The following CNTN4 variants were observed in gnomAD, a reference collection of about 807,000 sequenced individuals.
CNTN4 encodes contactin 4.
CNTN4 carries 77 observed loss-of-function variants against 122.5 expected under a neutral mutation model. The observed-to-expected ratio is 0.63, with a 90% confidence interval of 0.52 to 0.76. CNTN4 has a LOEUF of 0.76. Ranked by LOEUF, CNTN4 falls within the 30% of genes least tolerant of loss-of-function variation. The pLI is 0.00. For synonymous variants in CNTN4, 512 were observed against 447.0 expected, an observed-to-expected ratio of 1.15 and a Z score of -1.83; for missense variants, 1,256 against 1,259.1, an observed-to-expected ratio of 1.00 and a Z score of 0.04.
At chr3:2,490,837 G>C (rs1208692205) in intron 3 of CNTN4, among the ~76,000 whole-genome samples, 1 of 152,086 alleles carries the variant, frequency 6.6e-6, no homozygotes, top group East Asian at 1.9e-4. Context: ...TGGATGAAAT[G>C]AGAAACTTCA....
chr3:2,104,292 G>C (rs1402240653), intron 2 of CNTN4, among the ~76,000 whole-genome samples: 1 of 151,952 alleles, frequency 6.6e-6, no homozygotes, highest in Non-Finnish European at 1.5e-5. Flanking sequence ...AATGGGGTTG[G>C]AGGGCTGGAG....
intron 6 of CNTN4, among the ~76,000 whole-genome samples, chr3:2,764,850 A>G (rs1362558828): frequency 6.6e-6 from 1 of 152,192 alleles, no homozygotes; most frequent in Non-Finnish European, 1.5e-5. Flanking sequence ...TGTACTCTTG[A>G]TGTTCCCATT....
At chr3:2,494,985 C>G (rs1339663331) in intron 3 of CNTN4, among the ~76,000 whole-genome samples, 1 of 152,146 alleles carries the variant, frequency 6.6e-6, no homozygotes, top group Non-Finnish European at 1.5e-5. Flanking sequence ...CTTGTATATA[C>G]ATTTTTTTTC....
chr3:2,873,793 C>A (rs1284287117), intron 8 of CNTN4, among the ~76,000 whole-genome samples: 2 of 152,164 alleles, frequency 1.3e-5, no homozygotes, highest in Non-Finnish European at 2.9e-5. Flanking sequence ...ATCTACAACC[C>A]TTTATTGAAG....
At chr3:2,291,637 G>C (rs548071949) in intron 2 of CNTN4, among the ~76,000 whole-genome samples, 54 of 146,302 alleles carry the variant, frequency 3.7e-4, no homozygotes, top group African/African-American at 1.3e-3. Flanking sequence ...AAGTCCTTAT[G>C]ATAAAGTATT....
chr3:2,715,420 A>G (rs2087432411), intron 4 of CNTN4, among the ~76,000 whole-genome samples: 1 of 152,196 alleles, frequency 6.6e-6, no homozygotes. Context: ...TTAAATCAGC[A>G]ACCTCTGTTT....
chr3:2,601,341 A>C (rs1329822090), intron 4 of CNTN4, among the ~76,000 whole-genome samples: 2 of 152,060 alleles, frequency 1.3e-5, no homozygotes, highest in South Asian at 2.1e-4. Context: ...TTAGGCCTAA[A>C]ATTTAAGTCG....
intron 7 of CNTN4, among the ~76,000 whole-genome samples, chr3:2,842,297 T>C (rs2093376234): frequency 6.6e-6 from 1 of 152,168 alleles, no homozygotes; most frequent in Non-Finnish European, 1.5e-5. Context: ...TGGTGGTGGA[T>C]TCTTTGTGTT....
rs7644610 is a variant in CNTN4 at position 3,030,681 on chromosome 3, G to A, written c.1663-174G>A. Among the ~76,000 whole-genome samples, 9,599 of 152,234 alleles carry A rather than the reference G, an allele frequency of 0.063. 468 individuals are homozygous for A. Among genetic ancestry groups the A allele is most frequent in the Admixed American group, 0.1 (1,524 of 15,282 alleles). On this transcript the variant is annotated intron_variant, in intron 15 of 24. Transcript: ENST00000418658. ...GTCGAAGATGTGTTCTGAAAACGTC[G>A]GTGTTCCCATCTCTCAGGCAGGCTC...
chr3:2,764,541 G>A (rs2090751554), intron 6 of CNTN4, among the ~76,000 whole-genome samples: 1 of 152,130 alleles, frequency 6.6e-6, no homozygotes, highest in South Asian at 2.1e-4. Context: ...GAAGAAAAGG[G>A]AAGAGAGTTT....
chr3:2,565,008 G>A (rs1576012837), intron 3 of CNTN4, among the ~76,000 whole-genome samples: 1 of 152,086 alleles, frequency 6.6e-6, no homozygotes, highest in East Asian at 1.9e-4. Flanking sequence ...CAAGTGGAAA[G>A]TCTTTTAAAA....
At chr3:2,255,737 C>T (rs751657762) in intron 2 of CNTN4, among the ~76,000 whole-genome samples, 4 of 152,040 alleles carry the variant, frequency 2.6e-5, no homozygotes, top group Non-Finnish European at 5.9e-5. Context: ...TCTTTGAAAC[C>T]AAGGGGAACA....
intron 4 of CNTN4, among the ~76,000 whole-genome samples, chr3:2,676,776 T>C (rs1020121623): frequency 2.0e-5 from 3 of 152,196 alleles, no homozygotes; most frequent in African/African-American, 7.2e-5. Flanking sequence ...TTCAAGTTCT[T>C]TGGAAACTTC....
At chr3:2,472,175 C>A (rs551271714) in intron 3 of CNTN4, among the ~76,000 whole-genome samples, 14 of 149,112 alleles carry the variant, frequency 9.4e-5, no homozygotes, top group African/African-American at 3.0e-4. Context: ...AAAAAAAGTT[C>A]TCCCCAGCTC....
At chr3:2,415,960 C>T (rs898992962) in intron 3 of CNTN4, among the ~76,000 whole-genome samples, 4 of 151,996 alleles carry the variant, frequency 2.6e-5, no homozygotes, top group East Asian at 1.9e-4. Flanking sequence ...TCTTAACTAC[C>T]GGGCAGATTT....
At chr3:2,576,127 G>T (rs187643043) in intron 4 of CNTN4, among the ~76,000 whole-genome samples, 1 of 152,178 alleles carries the variant, frequency 6.6e-6, no homozygotes, top group South Asian at 2.1e-4. Context: ...GAGCCACCAC[G>T]CCCAGCCGCT....
chr3:2,696,851 T>TA, intron 4 of CNTN4, among the ~76,000 whole-genome samples: 1 of 152,006 alleles, frequency 6.6e-6, no homozygotes, highest in East Asian at 1.9e-4. Flanking sequence ...GTCTCATGAA[T>TA]TATTTGTATT....
chr3:2,581,256 C>T (rs2079924744), intron 4 of CNTN4, among the ~76,000 whole-genome samples: 1 of 152,100 alleles, frequency 6.6e-6, no homozygotes, highest in Admixed American at 6.5e-5. Context: ...AATTATTTCT[C>T]AGCTAAAGCT....
At chr3:2,190,468 G>C (rs1039729069) in intron 2 of CNTN4, among the ~76,000 whole-genome samples, 2 of 152,020 alleles carry the variant, frequency 1.3e-5, no homozygotes, top group South Asian at 2.1e-4. Flanking sequence ...CTCATCCATG[G>C]GCATAAAGGG....
Sources: gnomAD v4.1 joint callset for allele counts (sites outside exome capture counted in the v4.1 genomes callset) on GRCh38, gnomAD v4.1.1 for gene constraint, MANE v1.5 for transcripts, NCBI Gene and HGNC (gene_info 2026-07-23, HGNC 2026-07-21) for gene names.